Variants in PCBP2 observed in about 807,000 individuals in gnomAD.
The protein encoded by PCBP2 is poly(rC)-binding protein 2.
PCBP2 carries 4 observed loss-of-function variants against 50.1 expected under a neutral mutation model. The ratio of observed to expected loss-of-function variants is 0.08; its 90% CI spans 0.04 to 0.18. The LOEUF is 0.18. Ranked by LOEUF, PCBP2 falls within the 10% of genes least tolerant of loss-of-function variation. PCBP2 has a pLI of 1.00. For missense variants in PCBP2, 161 were observed against 474.3 expected (o/e 0.34, Z 6.14); for synonymous variants, 179 against 168.0 (o/e 1.07, Z -0.51).
chr12:53,454,692 T>G (rs1373810443), intron 1 of PCBP2, 34 bp from the exon 2 acceptor site: 2 of 752,114 alleles, frequency 2.7e-6, no homozygotes, highest in Non-Finnish European at 4.8e-6. Context: ...CTTGTTGTTT[T>G]CCTCCTCTGA....
intron 1 of PCBP2, among the ~76,000 whole-genome samples, chr12:53,453,727 T>A (rs1940759371): frequency 6.6e-6 from 1 of 152,188 alleles, no homozygotes. Flanking sequence ...TCTAAAGCTG[T>A]TACGATTAGG....
At chr12:53,464,284 C>A (rs1445495185) in intron 8 of PCBP2, among the ~76,000 whole-genome samples, 1 of 151,974 alleles carries the variant, frequency 6.6e-6, no homozygotes, top group Non-Finnish European at 1.5e-5. Context: ...CACACCTCCC[C>A]CTTCATACCT....
At chr12:53,468,560 A>G in intron 12 of PCBP2, 1 of 551,364 alleles carries the variant, frequency 1.8e-6, no homozygotes, top group South Asian at 2.3e-5. Context: ...AATGGCATGA[A>G]ATCAGCTCTT....
intron 14 of PCBP2, among the ~76,000 whole-genome samples, chr12:53,478,234 G>T (rs969648346): frequency 6.6e-6 from 1 of 152,210 alleles, no homozygotes. Flanking sequence ...TTAAGGCCGG[G>T]TGTGGTGGCT....
At chr12:53,457,141 G>T (rs560263236) in intron 5 of PCBP2, among the ~76,000 whole-genome samples, 10 of 152,132 alleles carry the variant, frequency 6.6e-5, no homozygotes, top group Admixed American at 5.2e-4. Flanking sequence ...CATCCTCCCA[G>T]GCTCAAGTGA....
intron 5 of PCBP2, among the ~76,000 whole-genome samples, chr12:53,457,157 C>T (rs1941090911): frequency 6.6e-6 from 1 of 152,088 alleles, no homozygotes; most frequent in Non-Finnish European, 1.5e-5. Context: ...AGTGATCCTT[C>T]TGCCTTAGCT....
Position 53,468,842 on chromosome 12 carries a change from G to A in PCBP2, c.882+10G>A, listed in dbSNP as rs1941993966. 2 of 1,600,560 alleles carry A rather than the reference G, an allele frequency of 1.2e-6. No homozygotes were observed. The highest frequency in any genetic ancestry group is 1.7e-6 in the Non-Finnish European group (2 of 1,169,220). On this transcript the variant is annotated intron_variant, in intron 13 of 14. Coordinates refer to ENST00000546463, the MANE Select transcript of PCBP2 (RefSeq NM_031989.5). ...CACCATTCCAAACGATGTAAGTGTA[G>A]TTAGGTTGCATGGGATGAAAATAAG...
chr12:53,468,620 C>T, intron 12 of PCBP2, 157 bp from the exon 13 acceptor site: 1 of 644,636 alleles, frequency 1.6e-6, no homozygotes, highest in Non-Finnish European at 2.8e-6. Flanking sequence ...CCCTTCTCCC[C>T]CACTCTTTCC....
intron 8 of PCBP2, among the ~76,000 whole-genome samples, chr12:53,463,788 G>A (rs1366107297): frequency 6.6e-6 from 1 of 152,216 alleles, no homozygotes; most frequent in African/African-American, 2.4e-5. Flanking sequence ...CCCACTTGGG[G>A]CTGGTCTGTT....
At chr12:53,476,849 A>G (rs551399148) in intron 14 of PCBP2, among the ~76,000 whole-genome samples, 1 of 152,208 alleles carries the variant, frequency 6.6e-6, no homozygotes, top group African/African-American at 2.4e-5. Flanking sequence ...CTCCCTTGGT[A>G]AGCTTGCTCC....
intron 14 of PCBP2, among the ~76,000 whole-genome samples, chr12:53,473,363 G>A (rs927338550): frequency 1.6e-4 from 25 of 152,320 alleles, no homozygotes; most frequent in Middle Eastern, 3.4e-3. Flanking sequence ...GATTACAGGC[G>A]TGAGCCACTA....
In PCBP2 at chr12:53,480,812, T is replaced by C. The variant is rs1017202245; in HGVS notation, c.*1370T>C. ...GTAAACGGAACAGAAAAGTGCAGTC[T>C]AAGTGGTTTTCTCTCCTGCCCCTCC... is the stretch of plus-strand genomic sequence containing the variant. On this transcript the variant is annotated 3_prime_UTR_variant, in exon 15 of 15. Transcript: ENST00000546463. 1.3e-5 allele frequency: 2 copies of C among 152,584 alleles called. No individual in the cohort carries two copies. Among genetic ancestry groups the C allele is most frequent in the African/African-American group, 4.8e-5 (2 of 41,390 alleles). The allele number at this position is 152,584 out of a possible 1,614,324, so 9.5% of individuals were successfully genotyped here. A position where few individuals can be genotyped will look rare whatever the true frequency, so the allele number is the denominator to read the frequency against.
At chr12:53,460,987 T>C (rs1221254803) in intron 6 of PCBP2, 28 bp from the exon 7 acceptor site, 2 of 1,611,334 alleles carry the variant, frequency 1.2e-6, no homozygotes, top group Non-Finnish European at 1.7e-6. Context: ...TGTTTTTCTC[T>C]GATTTTGAAT....
Position 53,471,926 on chromosome 12 carries a change from T to G in PCBP2, c.1052+119T>G, listed in dbSNP as rs374810185. 26 of 614,550 alleles carry G rather than the reference T, an allele frequency of 4.2e-5. No homozygotes were observed. The East Asian group carries it at 6.4e-4, about 15-fold the overall frequency. The allele number at this position is 614,550 out of a possible 1,614,324, so 38.1% of individuals were successfully genotyped here. The stretch of plus-strand genomic sequence containing the variant: ...CGATGGGTAAAGATGGCCAAAAGGT[T>G]TTTTTTTTTTTTTGCTAGCTCTACT... On this transcript the variant is annotated intron_variant, in intron 14 of 14. Transcript: ENST00000546463.
intron 7 of PCBP2, among the ~76,000 whole-genome samples, chr12:53,462,080 CTG>C (rs1360269414): frequency 2.0e-5 from 3 of 152,156 alleles, no homozygotes; most frequent in Non-Finnish European, 4.4e-5. Flanking sequence ...TAGATAGTGT[CTG>C]TATTATTCTA....
Position 53,479,623 on chromosome 12 carries a change from C to G in PCBP2, c.*181C>G. ...AAGCGTTTTAATTCCTTTCTCTGTTCAGCTGTTGATGCTGAGATCCATATT... is the reference window on the plus strand; with the variant it reads ...AAGCGTTTTAATTCCTTTCTCTGTTGAGCTGTTGATGCTGAGATCCATATT... On this transcript the variant is annotated 3_prime_UTR_variant, in exon 15 of 15. Coordinates refer to ENST00000546463, the MANE Select transcript of PCBP2 (RefSeq NM_031989.5). 2.5e-6 allele frequency: 1 copy of G among 397,598 alleles called. No homozygotes were observed. The highest frequency in any genetic ancestry group is 4.6e-6 in the Non-Finnish European group (1 of 219,442). 24.6% of individuals were successfully genotyped at this position (397,598 alleles called of 1,614,324 possible). A position where few individuals can be genotyped will look rare whatever the true frequency, so the allele number is the denominator to read the frequency against.
intron 13 of PCBP2, among the ~76,000 whole-genome samples, chr12:53,469,331 A>G (rs1357721825): frequency 1.3e-5 from 2 of 152,210 alleles, no homozygotes; most frequent in Non-Finnish European, 2.9e-5. Context: ...AAATAAGTTG[A>G]TTATAATATA....
chr12:53,475,799 C>A (rs972924560), intron 14 of PCBP2: 1 of 152,098 alleles, frequency 6.6e-6, no homozygotes, highest in Non-Finnish European at 1.5e-5. Context: ...AAAGAGATAA[C>A]GAGTCTGTGG....
intron 4 of PCBP2, 135 bp from the exon 5 acceptor site, chr12:53,455,750 G>A (rs1940963069): frequency 1.4e-6 from 1 of 722,762 alleles, no homozygotes; most frequent in East Asian, 2.5e-5. Context: ...TCATGGAGCA[G>A]TAGTGTTTGG....
Sources: allele counts gnomAD v4.1 joint callset (sites outside exome capture counted in the v4.1 genomes callset), GRCh38; gene constraint gnomAD v4.1.1; transcripts MANE v1.5; gene names NCBI Gene and HGNC (gene_info 2026-07-23, HGNC 2026-07-21).